The following CA12 variants were observed in gnomAD, a reference collection of about 807,000 sequenced individuals.
The protein encoded by CA12 is carbonate dehydratase XII.
In CA12, 36 loss-of-function variants were observed where a neutral mutation model predicts 46.8. The observed-to-expected ratio is 0.77, with a 90% CI of 0.59 to 1.02. CA12 has a LOEUF of 1.02. CA12 is among the 50% of genes least tolerant of loss of function. The probability of loss-of-function intolerance (pLI) is 0.00; values close to 1 mark genes in which losing one functional copy is unlikely to be tolerated. For synonymous variants in CA12, 202 were observed against 187.0 expected (o/e 1.08, Z -0.65); for missense variants, 436 against 451.4 (o/e 0.97, Z 0.31).
At chr15:63,359,287 C>T (rs1187675992) in intron 2 of CA12, among the ~76,000 whole-genome samples, 1 of 151,872 alleles carries the variant, frequency 6.6e-6, no homozygotes, top group East Asian at 1.9e-4. Flanking sequence ...ACCATCTTTT[C>T]CTCCCCCTTC....
rs899369021 is a variant in CA12, at chr15:63,355,178, G to A, written c.107-8469C>T. 6.6e-6 allele frequency among the ~76,000 whole-genome samples: 1 copy of A among 151,890 alleles called. No individual in the cohort carries two copies. Among genetic ancestry groups the A allele is most frequent in the Non-Finnish European group, 1.5e-5 (1 of 68,006 alleles). On this transcript the variant is annotated intron_variant, in intron 2 of 10. Coordinates refer to ENST00000178638, the MANE Select transcript of CA12 (RefSeq NM_001218.5). This position sits in a 1 kb window ranked among gnomAD's most constrained non-coding sequence, Gnocchi z 4.1. ...GTGTCTGCTCCCACCCCTCCTTTTCGTTCCAGCAGCGCTGAGCTGCTTGCA... is the reference window on the plus strand; with the variant it reads ...GTGTCTGCTCCCACCCCTCCTTTTCATTCCAGCAGCGCTGAGCTGCTTGCA...
intron 8 of CA12, among the ~76,000 whole-genome samples, chr15:63,334,438 G>A (rs528145589): frequency 6.7e-6 from 1 of 149,718 alleles, no homozygotes; most frequent in Non-Finnish European, 1.5e-5. Context: ...TTTTTTTTAA[G>A]TAGAGAGGGG....
chr15:63,345,295 A>C lies in CA12; in HGVS notation c.429+182T>G, dbSNP rs1263604942. ...TTCAGGAGAAGAAAGGGACCAGGACAGTGCAGATGAGCTACAGGCTAGTGG... is the reference window on the plus strand; with the variant it reads ...TTCAGGAGAAGAAAGGGACCAGGACCGTGCAGATGAGCTACAGGCTAGTGG... On this transcript the variant is annotated intron_variant, in intron 4 of 10. Coordinates refer to ENST00000178638, the MANE Select transcript of CA12 (RefSeq NM_001218.5). This position sits in a 1 kb window ranked among gnomAD's most constrained non-coding sequence, Gnocchi z 4.3. Among the ~76,000 whole-genome samples the C allele has an allele frequency of 2.6e-5, 4 of 152,254 alleles. No individual in the cohort carries two copies. The highest frequency in any genetic ancestry group is 2.9e-5 in the Non-Finnish European group (2 of 68,046).
Position 63,346,425 on chromosome 15 carries a change from C to T in CA12, c.286+105G>A. On this transcript the variant is annotated intron_variant, in intron 3 of 10. Transcript: ENST00000178638. ...CCCCCGCCCCGCCCCACCCCTCCTC[C>T]TGGATGCTTCCACGGAACACCTCCC... is the stretch of plus-strand genomic sequence containing the variant. The T allele has an allele frequency of 3.3e-6, 3 of 906,472 alleles. No individual in the cohort carries two copies. In the South Asian group the frequency reaches 4.2e-5, roughly 13 times the overall value. 56.2% of individuals were successfully genotyped at this position (906,472 alleles called of 1,614,324 possible).
intron 2 of CA12, among the ~76,000 whole-genome samples, chr15:63,369,027 T>C (rs2039469408): frequency 6.6e-6 from 1 of 152,184 alleles, no homozygotes; most frequent in Admixed American, 6.5e-5. Context: ...ACCAGATATC[T>C]GGTTCCTGGA....
chr15:63,380,069 A>G (rs1343107315), intron 1 of CA12, among the ~76,000 whole-genome samples: 1 of 152,184 alleles, frequency 6.6e-6, no homozygotes, highest in Non-Finnish European at 1.5e-5. Flanking sequence ...TCTACACCTC[A>G]GTGATTTTTG....
At chr15:63,338,474 G>A (rs947482780) in intron 8 of CA12, among the ~76,000 whole-genome samples, 3 of 152,196 alleles carry the variant, frequency 2.0e-5, no homozygotes, top group Non-Finnish European at 2.9e-5. Context: ...CTGATCTCAT[G>A]GAAAGGGTCC....
In CA12 at chr15:63,378,485, G is replaced by A. The variant is rs1171169331; in HGVS notation, c.86-2807C>T. Among the ~76,000 whole-genome samples, 3 of 152,154 alleles carry A rather than the reference G, an allele frequency of 2.0e-5. No individual in the cohort carries two copies. Among genetic ancestry groups the A allele is most frequent in the Non-Finnish European group, 4.4e-5 (3 of 68,026 alleles). On this transcript the variant is annotated intron_variant, in intron 1 of 10. Transcript: ENST00000178638. This position sits in a 1 kb window ranked among gnomAD's most constrained non-coding sequence, Gnocchi z 4.8. ...CCCTGAAACCAGCTATGGGTGCATT[G>A]AGAGTTGAGGGTCCCAAGATCAACC...
At chr15:63,343,361 A>C (rs1297752945) in intron 4 of CA12, among the ~76,000 whole-genome samples, 1 of 145,490 alleles carries the variant, frequency 6.9e-6, no homozygotes, top group Admixed American at 7.2e-5. Context: ...GGCTCACCGC[A>C]ACCTCCGCCT....
chr15:63,338,985 C>G, intron 7 of CA12, 40 bp from the exon 8 acceptor site: 1 of 1,613,266 alleles, frequency 6.2e-7, no homozygotes, highest in Non-Finnish European at 8.5e-7. Context: ...GCAGAATGAC[C>G]TCCTCACCTG....
Position 63,340,360 on chromosome 15 carries a change from C to T in CA12, c.675G>A (p.Leu225=), listed in dbSNP as rs200878409. 2 of 1,614,098 alleles carry T rather than the reference C, an allele frequency of 1.2e-6. No homozygotes were observed. Among genetic ancestry groups the T allele is most frequent in the East Asian group, 2.2e-5 (1 of 44,876 alleles). ...TAEYYRYRGS[L]TTPPCNPTVL... ...CAGTGGGGTTGCAAGGGGGTGTGGT[C>T]AGGGACCCCCGGTAGCGGTAATATT... Residue 225 remains leucine, a synonymous_variant, in exon 7 of 11, where the codon CTG becomes CTA. Transcript: ENST00000178638. The surrounding 1 kb of genome is among the most constrained non-coding windows in gnomAD (Gnocchi z 4.4).
chr15:63,333,566 G>A (rs538225056), intron 8 of CA12, among the ~76,000 whole-genome samples: 43 of 152,308 alleles, frequency 2.8e-4, no homozygotes, highest in African/African-American at 9.4e-4. Flanking sequence ...GAGAATCGAT[G>A]ATATTCTTTC....
Position 63,374,602 on chromosome 15 carries a change from T to C in CA12, c.106+1056A>G, listed in dbSNP as rs865784445. 1.3e-5 allele frequency among the ~76,000 whole-genome samples: 2 copies of C among 152,230 alleles called. No individual in the cohort carries two copies. The highest frequency in any genetic ancestry group is 4.1e-4 in the South Asian group (2 of 4,832). The stretch of plus-strand genomic sequence containing the variant: ...TAGCAATAACGGAGCCGTGCAGTGC[T>C]GGGGCTGAGGGGACCTTGGCCTGTG... On this transcript the variant is annotated intron_variant, in intron 2 of 10. Transcript: ENST00000178638. This position sits in a 1 kb window ranked among gnomAD's most constrained non-coding sequence, Gnocchi z 4.4.
chr15:63,349,264 C>T (rs778618519), intron 2 of CA12, among the ~76,000 whole-genome samples: 5 of 152,206 alleles, frequency 3.3e-5, no homozygotes, highest in Non-Finnish European at 5.9e-5. Context: ...TAAGCACCTT[C>T]TCCATCTGTC....
At position 63,327,299 on chromosome 15, in the gene CA12, C is replaced by T. The variant is rs527621735; in HGVS notation, c.908-66G>A. On this transcript the variant is annotated intron_variant, in intron 9 of 10. Coordinates refer to ENST00000178638, the MANE Select transcript of CA12 (RefSeq NM_001218.5). The surrounding 1 kb of genome is among the most constrained non-coding windows in gnomAD (Gnocchi z 4.5). The stretch of plus-strand genomic sequence containing the variant: ...CCCCTCCATCTTAGCCCATGGCCCC[C>T]GGGTGTGAAATCATGGCCCAGCTGC... The T allele has an allele frequency of 1.0e-3, 1,292 of 1,293,716 alleles. 2 individuals carry two copies. Among genetic ancestry groups the T allele is most frequent in the Non-Finnish European group, 1.3e-3 (1,157 of 904,344 alleles). The allele number at this position is 1,293,716 out of a possible 1,614,324, so 80.1% of individuals were successfully genotyped here.
At chr15:63,360,964 G>T (rs749858297) in intron 2 of CA12, among the ~76,000 whole-genome samples, 1 of 152,218 alleles carries the variant, frequency 6.6e-6, no homozygotes, top group Non-Finnish European at 1.5e-5. Context: ...TAAGCGAATC[G>T]GTGAATAAAC....
chr15:63,357,757 C>T (rs566664766), intron 2 of CA12, among the ~76,000 whole-genome samples: 2 of 152,090 alleles, frequency 1.3e-5, no homozygotes, highest in Admixed American at 1.3e-4. Flanking sequence ...CAACCATTAC[C>T]CCTACTTAGA....
At chr15:63,361,036 C>G (rs547680476) in intron 2 of CA12, among the ~76,000 whole-genome samples, 1 of 152,224 alleles carries the variant, frequency 6.6e-6, no homozygotes, top group African/African-American at 2.4e-5. Context: ...GATGTAAATA[C>G]AGTGAAGCTG....
At chr15:63,344,700 C>T (rs1304016287) in intron 4 of CA12, among the ~76,000 whole-genome samples, 1 of 152,142 alleles carries the variant, frequency 6.6e-6, no homozygotes, top group Non-Finnish European at 1.5e-5. Flanking sequence ...CAGTCAGCAG[C>T]ATTTATCTGC....
Sources: gnomAD v4.1 joint callset for allele counts (sites outside exome capture counted in the v4.1 genomes callset) on GRCh38, gnomAD v4.1.1 for gene constraint, Gnocchi (gnomAD v3.1) non-coding constraint, MANE v1.5 for transcripts, NCBI Gene and HGNC (gene_info 2026-07-23, HGNC 2026-07-21) for gene names.